The following GK5 variants were observed in gnomAD, a reference collection of about 807,000 sequenced individuals.
GK5 encodes the protein ATP:glycerol 3-phosphotransferase 5.
A neutral mutation model predicts 77.3 loss-of-function variants in GK5; 39 were observed. That is an observed-to-expected ratio of 0.50 (90% CI 0.39 to 0.66). The LOEUF is 0.66. Ranked by LOEUF, GK5 falls within the 30% of genes least tolerant of loss-of-function variation. The probability of loss-of-function intolerance (pLI) is 0.00; values close to 1 mark genes in which losing one functional copy is unlikely to be tolerated. For missense variants in GK5, 487 were observed against 633.8 expected, an observed-to-expected ratio of 0.77 and a Z score of 2.49; for synonymous variants, 211 against 208.0, an observed-to-expected ratio of 1.01 and a Z score of -0.13.
intron 9 of GK5, among the ~76,000 whole-genome samples, chr3:142,184,155 G>A (rs1300828348): frequency 6.6e-6 from 1 of 150,434 alleles, no homozygotes; most frequent in African/African-American, 2.4e-5. Context: ...CAGCTACTCG[G>A]GAGGCTGAGG....
At chr3:142,177,006 G>A (rs1030160557) in intron 12 of GK5, among the ~76,000 whole-genome samples, 1 of 152,132 alleles carries the variant, frequency 6.6e-6, no homozygotes, top group African/African-American at 2.4e-5. Context: ...AAATGTACAA[G>A]TGCAAAATAT....
intron 5 of GK5, among the ~76,000 whole-genome samples, chr3:142,193,575 T>C (rs984383324): frequency 6.6e-6 from 1 of 152,106 alleles, no homozygotes; most frequent in Non-Finnish European, 1.5e-5. Context: ...ATCTTAACAG[T>C]ATTAAATATT....
At chr3:142,205,234 T>A (rs1255284420) in intron 3 of GK5, among the ~76,000 whole-genome samples, 1 of 151,928 alleles carries the variant, frequency 6.6e-6, no homozygotes, top group East Asian at 1.9e-4. Flanking sequence ...TACCAAAATC[T>A]CTCCAATAAA....
In GK5 at chr3:142,225,417, C is replaced by T. The variant is rs1403556371; in HGVS notation, c.39G>A (p.Gln13=). 6.2e-7 allele frequency: 1 copy of T among 1,601,322 alleles called. No individual in the cohort carries two copies. The highest frequency in any genetic ancestry group is 8.5e-7 in the Non-Finnish European group (1 of 1,176,732). The change falls in exon 1 of 16, where the codon CAG becomes CAA. Residue 13 remains glutamine (Q), a synonymous_variant. Coordinates refer to ENST00000392993, the MANE Select transcript of GK5 (RefSeq NM_001039547.3). ...GCACGAAGCCGGGGTACCGCGGCTC[C>T]TGCGCTCTCTGCTCCGGGTCCGTGA... is the stretch of plus-strand genomic sequence containing the variant. ...GLLTDPEQRA[Q]EPRYPGFVLG...
At chr3:142,203,444 A>C (rs72997042) in intron 4 of GK5, among the ~76,000 whole-genome samples, 330 of 152,314 alleles carry the variant, frequency 2.2e-3, no homozygotes, top group African/African-American at 7.6e-3. Context: ...ACACTAGCAG[A>C]GAAGGCATTT....
chr3:142,170,968 C>T (rs974467661), intron 14 of GK5, among the ~76,000 whole-genome samples: 1 of 152,134 alleles, frequency 6.6e-6, no homozygotes, highest in African/African-American at 2.4e-5. Flanking sequence ...TTGGCTCACA[C>T]CTGTAATCCC....
Position 142,186,222 on chromosome 3 carries a change from A to T in GK5, c.727T>A (p.Ser243Thr), listed in dbSNP as rs1427175897. 1.2e-6 allele frequency: 2 copies of T among 1,604,708 alleles called. No homozygotes were observed. Among genetic ancestry groups the T allele is most frequent in the Non-Finnish European group, 1.7e-6 (2 of 1,171,560 alleles). The change falls in exon 8 of 16, where the codon TCT becomes ACT. Residue 243 changes from serine (S) to threonine (T), a missense_variant. By Grantham distance (58) the Ser-to-Thr change is moderately conservative. Around this residue, in one of 4 missense-constraint regions of GK5, gnomAD observed 323 missense variants for 437.4 expected, o/e 0.74. Coordinates refer to ENST00000392993, the MANE Select transcript of GK5 (RefSeq NM_001039547.3). The part of the protein sequence containing the change: ...MITSLISIPL[S>T]LLPPVRDTSH... Reference sequence around the variant, plus strand: ...GTGTCCCTCACAGGAGGTAGGAGAGAAAGTGGTATCGAAATTAGAGAGGTA... The same window carrying T: ...GTGTCCCTCACAGGAGGTAGGAGAGTAAGTGGTATCGAAATTAGAGAGGTA...
intron 5 of GK5, among the ~76,000 whole-genome samples, chr3:142,195,934 T>C (rs572789930): frequency 3.8e-4 from 58 of 152,360 alleles, no homozygotes; most frequent in Non-Finnish European, 6.9e-4. Flanking sequence ...TTTGGTAGAA[T>C]TCACTAGTAA....
At chr3:142,200,318 T>C (rs1304441791) in intron 4 of GK5, among the ~76,000 whole-genome samples, 2 of 152,016 alleles carry the variant, frequency 1.3e-5, no homozygotes, top group African/African-American at 4.8e-5. Flanking sequence ...CAGGTGTGGA[T>C]CACCACGCCT....
intron 3 of GK5, among the ~76,000 whole-genome samples, chr3:142,207,372 A>T (rs149135558): frequency 1.3e-5 from 2 of 152,252 alleles, no homozygotes; most frequent in Admixed American, 6.5e-5. Context: ...TCCTGTTTCC[A>T]TGGATTGTTT....
At chr3:142,191,400 C>A in intron 5 of GK5, among the ~76,000 whole-genome samples, 1 of 151,026 alleles carries the variant, frequency 6.6e-6, no homozygotes, top group East Asian at 2.0e-4. Context: ...TAAGTCTACA[C>A]ATTAAAAAAA....
chr3:142,224,598 T>C (rs541682325), intron 1 of GK5, among the ~76,000 whole-genome samples: 1 of 152,318 alleles, frequency 6.6e-6, no homozygotes, highest in South Asian at 2.1e-4. Flanking sequence ...TTGGCAGGTC[T>C]CTCAAACGAG....
intron 12 of GK5, among the ~76,000 whole-genome samples, chr3:142,175,750 T>A (rs2063600921): frequency 6.6e-6 from 1 of 151,914 alleles, no homozygotes. Flanking sequence ...GACATTTTGC[T>A]ATCAAGAGGA....
At chr3:142,174,486 T>G (rs1384220239) in intron 12 of GK5, among the ~76,000 whole-genome samples, 1 of 152,194 alleles carries the variant, frequency 6.6e-6, no homozygotes, top group East Asian at 1.9e-4. Flanking sequence ...CCTGCATAAA[T>G]ATGACTTCTT....
At chr3:142,200,643 ATTAGAT>A (rs992129103) in intron 4 of GK5, among the ~76,000 whole-genome samples, 13 of 152,356 alleles carry the variant, frequency 8.5e-5, no homozygotes, top group Admixed American at 7.2e-4. Context: ...CTCATAAAAA[ATTAGAT>A]TTAGGACACT....
chr3:142,195,318 T>G (rs2063918269), intron 5 of GK5, among the ~76,000 whole-genome samples: 1 of 152,080 alleles, frequency 6.6e-6, no homozygotes, highest in African/African-American at 2.4e-5. Flanking sequence ...GACTTGCTAA[T>G]ATTTTGTTGA....
intron 4 of GK5, 46 bp downstream of exon 4, chr3:142,204,649 G>GA (rs200595097): frequency 0.034 from 25,976 of 767,848 alleles, 2 homozygotes; most frequent in Non-Finnish European, 0.039. Context: ...GACATTTACA[G>GA]AAAAAAAAAA....
intron 9 of GK5, among the ~76,000 whole-genome samples, chr3:142,184,260 CAAAAAAAAAAAAA>C (rs1161704184): frequency 9.4e-5 from 1 of 10,678 alleles, no homozygotes; most frequent in African/African-American, 3.9e-4. Context: ...GACTCTGTCT[CAAAAAAAAAAAAA>C]AAAAAAAAAA....
chr3:142,167,787 G>A (rs776251259), intron 15 of GK5, among the ~76,000 whole-genome samples: 47 of 152,204 alleles, frequency 3.1e-4, no homozygotes, highest in African/African-American at 1.1e-3. Context: ...CAAAGCGAGT[G>A]GATCACCTGA....
Sources: gnomAD v4.1 joint callset for allele counts (sites outside exome capture counted in the v4.1 genomes callset) on GRCh38, gnomAD v4.1.1 for gene constraint, gnomAD v4.1.1 regional missense constraint, MANE v1.5 for transcripts, NCBI Gene and HGNC (gene_info 2026-07-23, HGNC 2026-07-21) for gene names.